Variants in IPCEF1 observed in about 807,000 individuals in gnomAD.
IPCEF1 encodes the protein interaction protein for cytohesin exchange factors 1.
In IPCEF1, 31 loss-of-function variants were observed where a neutral mutation model predicts 50.9. That is an observed-to-expected ratio of 0.61 (90% CI 0.46 to 0.82). The LOEUF (loss-of-function observed/expected upper bound fraction) is 0.82. Among genes scored for constraint, IPCEF1 ranks in the 40% least tolerant of loss-of-function variants. IPCEF1 has a pLI of 0.00. For synonymous variants in IPCEF1, 181 were observed against 192.0 expected (o/e 0.94, Z 0.47); for missense variants, 458 against 514.0 (o/e 0.89, Z 1.05).
chr6:154,337,661 G>T (rs1783815969), intron 1 of IPCEF1, among the ~76,000 whole-genome samples: 1 of 152,174 alleles, frequency 6.6e-6, no homozygotes, highest in African/African-American at 2.4e-5. Flanking sequence ...TTATTTGTGG[G>T]GTAGAAAGGG....
At chr6:154,317,392 A>T (rs1235964076) in intron 1 of IPCEF1, among the ~76,000 whole-genome samples, 1 of 151,858 alleles carries the variant, frequency 6.6e-6, no homozygotes, top group Non-Finnish European at 1.5e-5. Flanking sequence ...TACTAAAAAT[A>T]CAAAAAATTA....
At chr6:154,285,033 G>A (rs920102810) in intron 2 of IPCEF1, among the ~76,000 whole-genome samples, 3 of 152,086 alleles carry the variant, frequency 2.0e-5, no homozygotes, top group African/African-American at 4.8e-5. Context: ...AGAGTTACTC[G>A]AGAGTTAATT....
intron 1 of IPCEF1, among the ~76,000 whole-genome samples, chr6:154,331,871 C>T (rs770602698): frequency 3.3e-5 from 5 of 152,110 alleles, no homozygotes; most frequent in Non-Finnish European, 5.9e-5. Flanking sequence ...AGACACAAAC[C>T]CCAGAACCAT....
At position 154,155,456 on chromosome 6, in the gene IPCEF1, T is replaced by A. The variant is rs1364918552; in HGVS notation, c.*4372A>T. On this transcript the variant is annotated 3_prime_UTR_variant, in exon 12 of 12. Coordinates refer to ENST00000367220, the MANE Select transcript of IPCEF1 (RefSeq NM_001130700.2). ...AAAACTATGTGGATATGGCAGCTTT[T>A]CTGTACTTAACATTACTCATTAAAT... The A allele has an allele frequency of 5.3e-5, 8 of 152,192 alleles. No individual in the cohort carries two copies. The highest frequency in any genetic ancestry group is 5.2e-4 in the Admixed American group (8 of 15,284). The allele number at this position is 152,192 out of a possible 1,614,324, so 9.4% of individuals were successfully genotyped here. A position where few individuals can be genotyped will look rare whatever the true frequency, so the allele number is the denominator to read the frequency against.
intron 4 of IPCEF1, 58 bp from the exon 5 acceptor site, chr6:154,246,818 A>G: frequency 6.5e-7 from 1 of 1,531,108 alleles, no homozygotes; most frequent in South Asian, 1.3e-5. Flanking sequence ...TAGGTAAAGT[A>G]TTATCCTGAT....
chr6:154,243,348 G>A (rs376615207), intron 5 of IPCEF1, among the ~76,000 whole-genome samples: 2 of 152,124 alleles, frequency 1.3e-5, no homozygotes, highest in Admixed American at 6.5e-5. Flanking sequence ...CTTGTGTGCC[G>A]CGTCACACTA....
In IPCEF1 at chr6:154,246,729, C is replaced by G. The variant is rs34427887; in HGVS notation, c.108G>C (p.Ser36=). 94 of 1,613,814 alleles carry G rather than the reference C, an allele frequency of 5.8e-5. No homozygotes were observed. Among genetic ancestry groups the G allele is most frequent in the Non-Finnish European group, 6.4e-5 (75 of 1,179,938 alleles). The change falls in exon 5 of 12, where the codon TCG becomes TCC. Residue 36 remains serine (S), a synonymous_variant. Transcript: ENST00000367220. The stretch of plus-strand genomic sequence containing the variant: ...AGTCAGCATGGCCCAGATCTTTACA[C>G]GATATCCTCCTCCGACTCATCGTGA... ...GFLTMSRRRI[S]CKDLGHADCQ...
intron 1 of IPCEF1, among the ~76,000 whole-genome samples, chr6:154,327,289 T>A: frequency 6.6e-6 from 1 of 152,030 alleles, no homozygotes; most frequent in African/African-American, 2.4e-5. Context: ...ATCTACAGAA[T>A]GAGAGAAAAT....
intron 10 of IPCEF1, among the ~76,000 whole-genome samples, chr6:154,173,281 C>T (rs996723581): frequency 6.6e-6 from 1 of 152,172 alleles, no homozygotes; most frequent in African/African-American, 2.4e-5. Context: ...GAACACAACT[C>T]CTCACCAGCA....
At chr6:154,210,499 A>G (rs1777876443) in intron 9 of IPCEF1, among the ~76,000 whole-genome samples, 2 of 152,202 alleles carry the variant, frequency 1.3e-5, no homozygotes, top group Non-Finnish European at 2.9e-5. Context: ...AACAAGGAAC[A>G]TTTTTTGAAG....
At chr6:154,351,347 C>A (rs1784116115) in intron 1 of IPCEF1, among the ~76,000 whole-genome samples, 1 of 148,656 alleles carries the variant, frequency 6.7e-6, no homozygotes, top group African/African-American at 2.6e-5. Flanking sequence ...GTTCTGAGGT[C>A]CCCCCAGTCC....
At chr6:154,198,899 T>C (rs1234539600) in intron 10 of IPCEF1, among the ~76,000 whole-genome samples, 2 of 152,178 alleles carry the variant, frequency 1.3e-5, no homozygotes, top group Non-Finnish European at 2.9e-5. Context: ...CATCATTCTT[T>C]CACTGCTCAG....
intron 9 of IPCEF1, among the ~76,000 whole-genome samples, chr6:154,200,383 AATCT>A (rs1776963934): frequency 6.6e-6 from 1 of 152,346 alleles, no homozygotes; most frequent in Admixed American, 6.5e-5. Flanking sequence ...TATAATTTGC[AATCT>A]ATCACTGAAT....
chr6:154,241,234 C>CAAA (rs11308882), intron 5 of IPCEF1, among the ~76,000 whole-genome samples: 9 of 79,200 alleles, frequency 1.1e-4, no homozygotes, highest in South Asian at 4.9e-4. Flanking sequence ...GACTCCATCT[C>CAAA]AAAAAAAAAA....
rs558703057 is a variant in IPCEF1, at chr6:154,288,676, C to CAAAAAAAAAAAAAAAAAAA, written c.-18+1018_-18+1036dup. On this transcript the variant is annotated intron_variant, in intron 2 of 11. Transcript: ENST00000367220. The stretch of plus-strand genomic sequence containing the variant: ...GACTCTGTCTAAAAAACAAAAAAAA[C>CAAAAAAAAAAAAAAAAAAA]AAAAAAAAAAAAAAAAAAAAAAAAA... 3.4e-4 allele frequency among the ~76,000 whole-genome samples: 16 copies of CAAAAAAAAAAAAAAAAAAA among 46,884 alleles called. 1 individual carries two copies. Among genetic ancestry groups the CAAAAAAAAAAAAAAAAAAA allele is most frequent in the African/African-American group, 3.8e-4 (6 of 15,922 alleles). 30.8% of individuals were successfully genotyped at this position (46,884 alleles called of 152,430 possible).
At chr6:154,183,022 C>A (rs1006874858) in intron 10 of IPCEF1, among the ~76,000 whole-genome samples, 2 of 152,000 alleles carry the variant, frequency 1.3e-5, no homozygotes, top group African/African-American at 4.8e-5. Context: ...CTCTGTAGCC[C>A]AGGCTGGAGT....
In IPCEF1 at chr6:154,287,011, T is replaced by C. The variant is rs182191945; in HGVS notation, c.-18+2702A>G. Among the ~76,000 whole-genome samples the C allele has an allele frequency of 3.0e-3, 458 of 152,346 alleles. 3 individuals carry two copies. The highest frequency in any genetic ancestry group is 0.011 in the African/African-American group (442 of 41,574). On this transcript the variant is annotated intron_variant, in intron 2 of 11. Coordinates refer to ENST00000367220, the MANE Select transcript of IPCEF1 (RefSeq NM_001130700.2). ...ACAGTGAGTGAGTTCTCAAGAAATC[T>C]GGTTGTTTAAAAGTGTATAACAGAT...
chr6:154,256,570 T>C (rs71549150), intron 3 of IPCEF1, among the ~76,000 whole-genome samples: 2 of 31,004 alleles, frequency 6.5e-5, no homozygotes, highest in Non-Finnish European at 1.4e-4. Context: ...TCTCTGTGCG[T>C]GTGTGTGTGT....
intron 1 of IPCEF1, among the ~76,000 whole-genome samples, chr6:154,335,564 G>T (rs1045977190): frequency 1.2e-4 from 18 of 151,972 alleles, no homozygotes; most frequent in Admixed American, 2.6e-4. Context: ...GGTCGAGCAC[G>T]GTGGCTCATG....
Sources: allele counts gnomAD v4.1 joint callset (sites outside exome capture counted in the v4.1 genomes callset), GRCh38; gene constraint gnomAD v4.1.1; transcripts MANE v1.5; gene names NCBI Gene and HGNC (gene_info 2026-07-23, HGNC 2026-07-21).